Variants in STAU2 observed in about 807,000 individuals in gnomAD.
STAU2 encodes the protein staufen double-stranded RNA binding protein 2.
STAU2 carries 20 observed loss-of-function variants against 65.9 expected under a neutral mutation model. That is an observed-to-expected ratio of 0.30 (90% CI 0.21 to 0.44). The LOEUF is 0.44. Ranked by LOEUF, STAU2 falls within the 20% of genes least tolerant of loss-of-function variation. The pLI is 1.00. For missense variants in STAU2, 558 were observed against 683.9 expected (o/e 0.82, Z 2.05); for synonymous variants, 232 against 233.9 (o/e 0.99, Z 0.07).
At chr8:73,624,527 A>G (rs1011046448) in intron 6 of STAU2, among the ~76,000 whole-genome samples, 6 of 152,232 alleles carry the variant, frequency 3.9e-5, no homozygotes, top group Non-Finnish European at 7.3e-5. Context: ...GCATTTAGAT[A>G]CTAATCTCAC....
chr8:73,747,057 A>G (rs1563545993), upstream of STAU2: 1 of 229,044 alleles, frequency 4.4e-6, no homozygotes, highest in Non-Finnish European at 7.8e-6. Context: ...GCCCGCGACC[A>G]AGCGCGGCCA....
In STAU2 at chr8:73,583,933, A is replaced by C. The variant is rs574469964; in HGVS notation, c.1162-1103T>G. 3.1e-4 allele frequency among the ~76,000 whole-genome samples: 47 copies of C among 152,326 alleles called. No homozygotes were observed. In the South Asian group the frequency reaches 9.1e-3, roughly 30 times the overall value. The stretch of plus-strand genomic sequence containing the variant: ...TCTCTTATGATGATCAGCATTTTAT[A>C]TTTATGTTAACGGTCAAAGGTCAAA... On this transcript the variant is annotated intron_variant, in intron 11 of 14. Coordinates refer to ENST00000524300, the MANE Select transcript of STAU2 (RefSeq NM_001164380.2).
intron 6 of STAU2, among the ~76,000 whole-genome samples, chr8:73,671,090 A>C (rs530357721): frequency 6.6e-6 from 1 of 152,290 alleles, no homozygotes; most frequent in South Asian, 2.1e-4. Context: ...ATCTAAAAAA[A>C]AAACTGTTCA....
At chr8:73,437,506 G>T (rs2004254) in intron 13 of STAU2, among the ~76,000 whole-genome samples, 1 of 151,974 alleles carries the variant, frequency 6.6e-6, no homozygotes, top group Non-Finnish European at 1.5e-5. Context: ...GAACTCAGCC[G>T]TGGGGACACC....
At chr8:73,450,750 T>A (rs532474030) in intron 13 of STAU2, among the ~76,000 whole-genome samples, 1 of 152,338 alleles carries the variant, frequency 6.6e-6, no homozygotes, top group Non-Finnish European at 1.5e-5. Flanking sequence ...TAACAATGTG[T>A]GCAAAACCAG....
intron 6 of STAU2, among the ~76,000 whole-genome samples, chr8:73,628,909 A>G (rs1445868498): frequency 6.6e-6 from 1 of 152,238 alleles, no homozygotes; most frequent in Non-Finnish European, 1.5e-5. Flanking sequence ...TTTGCTGATC[A>G]GAATTAACTA....
At chr8:73,741,036 T>C (rs775202453) in intron 1 of STAU2, among the ~76,000 whole-genome samples, 115 of 140,264 alleles carry the variant, frequency 8.2e-4, no homozygotes, top group Non-Finnish European at 1.5e-3. Context: ...CCAGGCGCAG[T>C]GGCTCACGCC....
At chr8:73,421,520 A>G in intron 14 of STAU2, 55 bp from the exon 15 acceptor site, 1 of 1,505,024 alleles carries the variant, frequency 6.6e-7, no homozygotes, top group Non-Finnish European at 8.9e-7. Flanking sequence ...ACATCTTCAG[A>G]CATGTTTATT....
chr8:73,464,265 C>CAATTTCTGAG (rs574341600), intron 13 of STAU2, among the ~76,000 whole-genome samples: 340 of 152,272 alleles, frequency 2.2e-3, no homozygotes, highest in Non-Finnish European at 3.6e-3. Context: ...GTCAAGCTAG[C>CAATTTCTGAG]AAATTGGTTC....
At chr8:73,538,114 A>G (rs1806303589) in intron 13 of STAU2, among the ~76,000 whole-genome samples, 1 of 152,224 alleles carries the variant, frequency 6.6e-6, no homozygotes, top group Non-Finnish European at 1.5e-5. Context: ...AGACTTGACA[A>G]CTAAATGCAA....
intron 12 of STAU2, among the ~76,000 whole-genome samples, chr8:73,570,233 TAATGA>T: frequency 6.6e-6 from 1 of 152,184 alleles, no homozygotes; most frequent in South Asian, 2.1e-4. Flanking sequence ...AAGATTAAAC[TAATGA>T]AATAAAGCGA....
intron 3 of STAU2, among the ~76,000 whole-genome samples, chr8:73,736,590 G>A (rs762714223): frequency 2.0e-4 from 30 of 152,182 alleles, no homozygotes; most frequent in Non-Finnish European, 3.8e-4. Context: ...GCAAATCCCT[G>A]TAGCCAGAAC....
chr8:73,497,292 G>A lies in STAU2; in HGVS notation c.1530+54720C>T, dbSNP rs147593885. On this transcript the variant is annotated intron_variant, in intron 13 of 14. Transcript: ENST00000524300. ...AGATCTTTATGTAATCATAAGAATTGCAAGACTGGTTTTAAAATGAATAAA... is the reference window on the plus strand; with the variant it reads ...AGATCTTTATGTAATCATAAGAATTACAAGACTGGTTTTAAAATGAATAAA... Among the ~76,000 whole-genome samples, 285 of 151,770 alleles carry A rather than the reference G, an allele frequency of 1.9e-3. 2 individuals are homozygous for A. Among genetic ancestry groups the A allele is most frequent in the African/African-American group, 6.6e-3 (274 of 41,496 alleles).
chr8:73,449,966 G>A (rs1818714663), intron 13 of STAU2, among the ~76,000 whole-genome samples: 1 of 152,212 alleles, frequency 6.6e-6, no homozygotes, highest in Non-Finnish European at 1.5e-5. Flanking sequence ...CTACAGGGAG[G>A]GCCAGATACC....
intron 13 of STAU2, among the ~76,000 whole-genome samples, chr8:73,494,677 T>C (rs1471687838): frequency 6.6e-6 from 1 of 151,672 alleles, no homozygotes; most frequent in African/African-American, 2.4e-5. Flanking sequence ...TTAGACAATA[T>C]GAAAGTACAG....
intron 13 of STAU2, among the ~76,000 whole-genome samples, chr8:73,450,015 C>T (rs1818717208): frequency 6.6e-6 from 1 of 152,208 alleles, no homozygotes; most frequent in Admixed American, 6.5e-5. Flanking sequence ...GCAGGATATG[C>T]CGGGCTGGCA....
At chr8:73,636,782 G>A (rs1814548115) in intron 6 of STAU2, among the ~76,000 whole-genome samples, 1 of 151,006 alleles carries the variant, frequency 6.6e-6, no homozygotes, top group African/African-American at 2.4e-5. Flanking sequence ...AGAATCGCTT[G>A]AACCTGGGAG....
At chr8:73,651,700 A>C in intron 6 of STAU2, 1 of 459,596 alleles carries the variant, frequency 2.2e-6, no homozygotes, top group Non-Finnish European at 4.0e-6. Flanking sequence ...CCACCCCCCA[A>C]AGCCCAGGAA....
intron 5 of STAU2, among the ~76,000 whole-genome samples, chr8:73,676,603 G>GT (rs1216519512): frequency 6.6e-6 from 1 of 152,136 alleles, no homozygotes; most frequent in African/African-American, 2.4e-5. Flanking sequence ...GTTTTGTTTT[G>GT]TTTTTTGTTT....
Sources: gnomAD v4.1 joint callset for allele counts (sites outside exome capture counted in the v4.1 genomes callset) on GRCh38, gnomAD v4.1.1 for gene constraint, MANE v1.5 for transcripts, NCBI Gene and HGNC (gene_info 2026-07-23, HGNC 2026-07-21) for gene names.